CDH18: variants seen among roughly 807,000 people sequenced by gnomAD.
The protein encoded by CDH18 is cadherin-18.
CDH18 carries 31 observed loss-of-function variants against 67.9 expected under a neutral mutation model. The observed-to-expected ratio is 0.46, with a 90% confidence interval of 0.34 to 0.62. The LOEUF (loss-of-function observed/expected upper bound fraction) is 0.62, where lower values mean the gene tolerates loss of function less well. Ranked by LOEUF, CDH18 falls within the 20% of genes least tolerant of loss-of-function variation. CDH18 has a pLI of 0.01. For synonymous variants in CDH18, 362 were observed against 347.2 expected, an observed-to-expected ratio of 1.04 and a Z score of -0.48; for missense variants, 890 against 975.5, an observed-to-expected ratio of 0.91 and a Z score of 1.17.
intron 2 of CDH18, among the ~76,000 whole-genome samples, chr5:19,901,290 A>G (rs1053727063): frequency 2.6e-5 from 4 of 152,136 alleles, no homozygotes; most frequent in South Asian, 2.1e-4. Context: ...TAAACTTTTA[A>G]TAATTTTATA....
At chr5:19,623,121 AC>A (rs1248191768) in intron 5 of CDH18, among the ~76,000 whole-genome samples, 2 of 152,192 alleles carry the variant, frequency 1.3e-5, no homozygotes, top group African/African-American at 4.8e-5. Context: ...AGAGAAACAA[AC>A]ATAACTCACA....
At chr5:19,575,750 A>T (rs958225017) in intron 7 of CDH18, among the ~76,000 whole-genome samples, 3 of 152,194 alleles carry the variant, frequency 2.0e-5, no homozygotes, top group South Asian at 2.1e-4. Flanking sequence ...ATTACCTTGA[A>T]GTTCTGAAGT....
rs561319353 is a variant in CDH18, at chr5:20,141,881, T to C, written c.-518+113563A>G. Among the ~76,000 whole-genome samples, 10 of 152,162 alleles carry C rather than the reference T, an allele frequency of 6.6e-5. No individual in the cohort carries two copies. The South Asian group carries it at 2.1e-3, about 32-fold the overall frequency. ...GAAATATTCATAGTGCTTATTCTAA[T>C]ATTACTATTAATACTAATATTAAAG... On this transcript the variant is annotated intron_variant, in intron 2 of 14. Transcript: ENST00000507958.
chr5:19,725,008 G>C (rs1373627367), intron 4 of CDH18, among the ~76,000 whole-genome samples: 1 of 149,922 alleles, frequency 6.7e-6, no homozygotes, highest in Non-Finnish European at 1.5e-5. Context: ...CTCACTGCAA[G>C]CTCCGCCTCC....
At chr5:20,195,112 T>C (rs986651931) in intron 2 of CDH18, among the ~76,000 whole-genome samples, 1 of 152,054 alleles carries the variant, frequency 6.6e-6, no homozygotes, top group Non-Finnish European at 1.5e-5. Context: ...AGCCTACAGA[T>C]ACCTCCATCT....
chr5:20,315,882 C>T (rs762409110), intron 1 of CDH18, among the ~76,000 whole-genome samples: 3 of 152,020 alleles, frequency 2.0e-5, no homozygotes, highest in South Asian at 2.1e-4. Flanking sequence ...TCTCTGACTC[C>T]GACAAGAATG....
At chr5:19,732,448 G>A (rs187354869) in intron 4 of CDH18, among the ~76,000 whole-genome samples, 2 of 151,962 alleles carry the variant, frequency 1.3e-5, no homozygotes, top group South Asian at 2.1e-4. Flanking sequence ...TGAGAGCAGC[G>A]GGCTATGATT....
At chr5:19,964,197 T>C (rs1369583101) in intron 2 of CDH18, among the ~76,000 whole-genome samples, 2 of 151,994 alleles carry the variant, frequency 1.3e-5, no homozygotes, top group Non-Finnish European at 2.9e-5. Flanking sequence ...AGAGTACATA[T>C]CAGATATATG....
rs77124516 is a variant in CDH18, at chr5:20,279,119, A to G, written c.-579-23614T>C. ...CAAAAGATACAGAGTGGCAGAATGGATAAGAAATGAGACTCAAAGATCTGC... is the reference window on the plus strand; with the variant it reads ...CAAAAGATACAGAGTGGCAGAATGGGTAAGAAATGAGACTCAAAGATCTGC... On this transcript the variant is annotated intron_variant, in intron 1 of 14. Transcript: ENST00000507958. 5.9e-3 allele frequency among the ~76,000 whole-genome samples: 903 copies of G among 152,228 alleles called. 11 individuals carry two copies. The highest frequency in any genetic ancestry group is 0.021 in the African/African-American group (862 of 41,556).
intron 2 of CDH18, among the ~76,000 whole-genome samples, chr5:20,124,048 C>CA (rs1169263641): frequency 2.0e-5 from 3 of 151,968 alleles, no homozygotes; most frequent in Non-Finnish European, 4.4e-5. Flanking sequence ...TGTAAGGATA[C>CA]AAATCATAGT....
intron 3 of CDH18, among the ~76,000 whole-genome samples, chr5:19,785,776 T>C (rs374243503): frequency 6.0e-5 from 8 of 132,540 alleles, no homozygotes; most frequent in African/African-American, 2.3e-4. Flanking sequence ...AGAGGTTTCA[T>C]GAAGATTAAA....
At chr5:20,430,155 A>AT (rs1370147235) in intron 1 of CDH18, among the ~76,000 whole-genome samples, 1 of 152,196 alleles carries the variant, frequency 6.6e-6, no homozygotes, top group Non-Finnish European at 1.5e-5. Context: ...TGGTTTTGAA[A>AT]TAAGAACTTA....
In CDH18 at chr5:20,445,014, G is replaced by A. The variant is rs140162472; in HGVS notation, c.-580+130448C>T. Among the ~76,000 whole-genome samples the A allele has an allele frequency of 2.6e-3, 393 of 152,148 alleles. 3 individuals are homozygous for A. The highest frequency in any genetic ancestry group is 8.9e-3 in the African/African-American group (370 of 41,530). ...CCACAAATTTTAAGCTTTGTTGACC[G>A]TCTAAAGCTTTCTTTTCATGCCAAA... On this transcript the variant is annotated intron_variant, in intron 1 of 14. Coordinates refer to the CDH18 transcript ENST00000507958.
rs190538140 is a variant in CDH18 at position 19,932,720 on chromosome 5, A to G, written c.-257+48340T>C. Reference sequence around the variant, plus strand: ...CTACTACCTTTTCATAGTACTTAATATCCATCCTGTCTGCCTTTTTTTCTT... The same window carrying G: ...CTACTACCTTTTCATAGTACTTAATGTCCATCCTGTCTGCCTTTTTTTCTT... On this transcript the variant is annotated intron_variant, in intron 2 of 12. Transcript: ENST00000382275. Among the ~76,000 whole-genome samples, 110 of 151,734 alleles carry G rather than the reference A, an allele frequency of 7.2e-4. 1 individual carries two copies. Among genetic ancestry groups the G allele is most frequent in the African/African-American group, 2.4e-3 (101 of 41,488 alleles).
chr5:19,740,332 T>C (rs754697371), intron 4 of CDH18, among the ~76,000 whole-genome samples: 8 of 152,078 alleles, frequency 5.3e-5, no homozygotes, highest in East Asian at 1.9e-4. Context: ...CCAAATTACA[T>C]TGTGATCTGT....
At chr5:20,213,086 TA>T (rs1256164373) in intron 2 of CDH18, among the ~76,000 whole-genome samples, 1 of 152,154 alleles carries the variant, frequency 6.6e-6, no homozygotes, top group Non-Finnish European at 1.5e-5. Context: ...TCATTAAGCT[TA>T]ATCACTTCTA....
chr5:20,028,094 C>T (rs1739070535), intron 2 of CDH18, among the ~76,000 whole-genome samples: 1 of 151,314 alleles, frequency 6.6e-6, no homozygotes, highest in Non-Finnish European at 1.5e-5. Flanking sequence ...ACCATAAAAA[C>T]AACTTTCTAT....
intron 2 of CDH18, among the ~76,000 whole-genome samples, chr5:20,242,607 A>ATATATATATTT: frequency 1.1e-5 from 1 of 88,256 alleles, no homozygotes; most frequent in East Asian, 3.1e-4. Flanking sequence ...AAAAAAAAAA[A>ATATATATATTT]AAAAATATAT....
chr5:20,067,095 C>G (rs1743042592), intron 2 of CDH18, among the ~76,000 whole-genome samples: 1 of 151,744 alleles, frequency 6.6e-6, no homozygotes, highest in Non-Finnish European at 1.5e-5. Context: ...TATTAGGTAT[C>G]ACCAATAAGC....
Sources: allele counts gnomAD v4.1 joint callset (sites outside exome capture counted in the v4.1 genomes callset), GRCh38; gene constraint gnomAD v4.1.1; transcripts MANE v1.5; gene names NCBI Gene and HGNC (gene_info 2026-07-23, HGNC 2026-07-21).